RPH3AL: variants seen among roughly 807,000 people sequenced by gnomAD.
RPH3AL encodes rabphilin 3A like (without C2 domains), also known as rab effector Noc2.
In RPH3AL, 38 loss-of-function variants were observed where a neutral mutation model predicts 43.1. The ratio of observed to expected loss-of-function variants is 0.88; its 90% CI spans 0.68 to 1.15. RPH3AL has a LOEUF of 1.15. RPH3AL is among the 50% of genes most tolerant of loss of function. RPH3AL has a pLI of 0.00. For missense variants in RPH3AL, 462 were observed against 423.2 expected (o/e 1.09, Z -0.81); for synonymous variants, 189 against 176.3 (o/e 1.07, Z -0.57).
At chr17:268,671 C>T (rs554564888) in intron 6 of RPH3AL, among the ~76,000 whole-genome samples, 11 of 149,738 alleles carry the variant, frequency 7.3e-5, no homozygotes, top group South Asian at 4.2e-4. Flanking sequence ...AGCAATCCTC[C>T]GACCTCAGCC....
intron 7 of RPH3AL, among the ~76,000 whole-genome samples, chr17:229,821 G>A (rs1185727884): frequency 6.6e-6 from 1 of 152,218 alleles, no homozygotes; most frequent in East Asian, 1.9e-4. Flanking sequence ...TGCAGGTTGT[G>A]GGTCTGGAAA....
intron 4 of RPH3AL, among the ~76,000 whole-genome samples, chr17:320,807 A>C (rs919953389): frequency 2.0e-5 from 3 of 152,244 alleles, no homozygotes; most frequent in Non-Finnish European, 4.4e-5. Context: ...GACACGATGG[A>C]AGTGCTGGAA....
intron 3 of RPH3AL, 51 bp downstream of exon 3, chr17:327,416 A>G: frequency 6.8e-7 from 1 of 1,479,210 alleles, no homozygotes; most frequent in Non-Finnish European, 9.5e-7. Context: ...ACAGGAGAGG[A>G]GCAGGGAGGC....
chr17:253,347 G>C (rs1054333979), intron 6 of RPH3AL, among the ~76,000 whole-genome samples: 1 of 152,086 alleles, frequency 6.6e-6, no homozygotes, highest in East Asian at 1.9e-4. Flanking sequence ...AGTCTTCAGG[G>C]GAAGAGACTA....
At chr17:348,800 G>A (rs2045298555) in intron 1 of RPH3AL, 1 of 152,158 alleles carries the variant, frequency 6.6e-6, no homozygotes, top group African/African-American at 2.4e-5. Context: ...CCTCCCTTGG[G>A]AGTGCAGAAC....
Position 262,253 on chromosome 17 carries a change from C to T in RPH3AL, c.439-14968G>A, listed in dbSNP as rs565598180. Among the ~76,000 whole-genome samples, 15 of 152,228 alleles carry T rather than the reference C, an allele frequency of 9.9e-5. No homozygotes were observed. The South Asian group carries it at 3.1e-3, about 32-fold the overall frequency. ...TTTTTTTTTTAGATGGTGTCTCGCT[C>T]TGTCACCCAGGCTGGAGTGCAGCGG... On this transcript the variant is annotated intron_variant, in intron 6 of 9. Coordinates refer to ENST00000331302, the MANE Select transcript of RPH3AL (RefSeq NM_006987.4).
chr17:215,591 T>A lies in RPH3AL; in HGVS notation c.876+63A>T. On this transcript the variant is annotated intron_variant, in intron 9 of 9. Transcript: ENST00000331302. The surrounding 1 kb of genome is among the most constrained non-coding windows in gnomAD (Gnocchi z 4.1). ...CGACCAGTCTCCAGTTTGGGAGGAG[T>A]GAGTGAGAGAGGACACGGCCGCGGG... The A allele has an allele frequency of 1.6e-6, 2 of 1,225,976 alleles. No individual in the cohort carries two copies. The highest frequency in any genetic ancestry group is 1.0e-6 in the Non-Finnish European group (1 of 972,638). 75.9% of individuals were successfully genotyped at this position (1,225,976 alleles called of 1,614,324 possible).
chr17:314,082 G>A (rs2043741276), intron 5 of RPH3AL, among the ~76,000 whole-genome samples: 1 of 152,182 alleles, frequency 6.6e-6, no homozygotes, highest in Admixed American at 6.5e-5. Flanking sequence ...TCCTTCCCCA[G>A]GACAGCCACT....
chr17:232,604 T>G (rs1417827732), intron 7 of RPH3AL, among the ~76,000 whole-genome samples: 1 of 152,154 alleles, frequency 6.6e-6, no homozygotes, highest in Non-Finnish European at 1.5e-5. Flanking sequence ...CTGTCTCAGC[T>G]GGGAGGGATG....
At chr17:269,089 A>T (rs375597972) in intron 6 of RPH3AL, among the ~76,000 whole-genome samples, 1 of 152,148 alleles carries the variant, frequency 6.6e-6, no homozygotes. Flanking sequence ...CGTGTTAGCC[A>T]GGATGGTCTC....
intron 7 of RPH3AL, among the ~76,000 whole-genome samples, chr17:234,810 G>T (rs1442141338): frequency 6.6e-6 from 1 of 152,230 alleles, no homozygotes; most frequent in Admixed American, 6.5e-5. Flanking sequence ...TGGGCTGGGG[G>T]TGAGGAGAAG....
chr17:219,826 T>C (rs2040913177), intron 7 of RPH3AL, 90 bp from the exon 8 acceptor site: 4 of 914,630 alleles, frequency 4.4e-6, no homozygotes, highest in Non-Finnish European at 7.2e-6. Context: ...CCTCCCCAGC[T>C]CATTACCACG....
At chr17:332,084 T>C in intron 2 of RPH3AL, 1 of 360,462 alleles carries the variant, frequency 2.8e-6, no homozygotes, top group Non-Finnish European at 5.4e-6. Flanking sequence ...GATGGACCTC[T>C]GCGGGGAGAA....
Position 213,714 on chromosome 17 carries a change from C to T in RPH3AL, c.*138G>A, listed in dbSNP as rs2151490826. On this transcript the variant is annotated 3_prime_UTR_variant, in exon 10 of 10. Transcript: ENST00000331302. ...GCAGAAAGGCACTGAGCTGGGGAGG[C>T]AGACGGCTCCCAACACTGGTTTGTT... is the stretch of plus-strand genomic sequence containing the variant. The T allele has an allele frequency of 2.8e-6, 2 of 720,722 alleles. No individual in the cohort carries two copies. The highest frequency in any genetic ancestry group is 3.1e-5 in the South Asian group (2 of 64,688). 44.6% of individuals were successfully genotyped at this position (720,722 alleles called of 1,614,324 possible).
At chr17:310,288 T>A (rs1293020654) in intron 5 of RPH3AL, among the ~76,000 whole-genome samples, 1 of 152,044 alleles carries the variant, frequency 6.6e-6, no homozygotes, top group Non-Finnish European at 1.5e-5. Flanking sequence ...GCAGGCCCAA[T>A]TACGGAGGGG....
intron 6 of RPH3AL, among the ~76,000 whole-genome samples, chr17:268,986 C>A (rs1187419553): frequency 6.6e-6 from 1 of 152,184 alleles, no homozygotes; most frequent in Non-Finnish European, 1.5e-5. Context: ...TCACGCCATT[C>A]TCCTGCCTCA....
chr17:273,023 A>AGAGACCCCAGCGAGGGTGACGTCAGGGT (rs2042537303), intron 6 of RPH3AL, among the ~76,000 whole-genome samples: 3 of 83,622 alleles, frequency 3.6e-5, no homozygotes, highest in African/African-American at 1.1e-4. Context: ...GACATCAGGA[A>AGAGACCCCAGCGAGGGTGACGTCAGGGT]GAGACCCCAG....
intron 7 of RPH3AL, among the ~76,000 whole-genome samples, chr17:241,546 T>C (rs2041533510): frequency 6.6e-6 from 1 of 152,184 alleles, no homozygotes; most frequent in Admixed American, 6.5e-5. Context: ...ATGCTCCTGA[T>C]ACTCTTTTAA....
intron 6 of RPH3AL, among the ~76,000 whole-genome samples, chr17:267,342 G>A (rs2151581275): frequency 6.6e-6 from 1 of 152,366 alleles, no homozygotes; most frequent in Admixed American, 6.5e-5. Context: ...TTACAATGGT[G>A]ATTGGCTGCG....
Sources: gnomAD v4.1 joint callset for allele counts (sites outside exome capture counted in the v4.1 genomes callset) on GRCh38, gnomAD v4.1.1 for gene constraint, Gnocchi (gnomAD v3.1) non-coding constraint, MANE v1.5 for transcripts, NCBI Gene and HGNC (gene_info 2026-07-23, HGNC 2026-07-21) for gene names.